FRMPD4: variants seen among roughly 807,000 people sequenced by gnomAD.
FRMPD4 encodes FERM and PDZ domain containing 4.
Under a neutral mutation model 94.1 loss-of-function variants are expected in FRMPD4, and 22 were observed. That is an observed-to-expected ratio of 0.23 (90% CI 0.17 to 0.33). FRMPD4 has a LOEUF of 0.33. FRMPD4 is among the 10% of genes least tolerant of loss of function. FRMPD4 has a pLI of 1.00. For missense variants in FRMPD4, 1,111 were observed against 1,339.9 expected (o/e 0.83, Z 2.67); for synonymous variants, 631 against 548.6 (o/e 1.15, Z -2.10).
intron 2 of FRMPD4, among the ~76,000 whole-genome samples, chrX:12,586,101 A>T (rs1453926935): frequency 8.8e-6 from 1 of 113,008 alleles, no homozygotes; most frequent in Non-Finnish European, 1.9e-5. Context: ...ACTAAAGGCC[A>T]GATGCTAGTT....
chrX:11,849,852 C>G (rs1256152833), intron 1 of FRMPD4, among the ~76,000 whole-genome samples: 2 of 111,106 alleles, frequency 1.8e-5, no homozygotes, highest in Non-Finnish European at 1.9e-5. Context: ...AGAAAAACTT[C>G]ATGACTTTGG....
chrX:12,708,396 G>C (rs2041918623), intron 13 of FRMPD4, among the ~76,000 whole-genome samples: 1 of 107,066 alleles, frequency 9.3e-6, no homozygotes. Context: ...CTTGAACCCA[G>C]AGGTGGAGGT....
chrX:11,919,919 A>G (rs1407509598), intron 3 of FRMPD4, among the ~76,000 whole-genome samples: 2 of 112,602 alleles, frequency 1.8e-5, no homozygotes, highest in African/African-American at 6.5e-5. Context: ...TTACTGCAGG[A>G]TAACATGGCA....
At chrX:12,413,688 TG>T (rs201733034) in intron 1 of FRMPD4, among the ~76,000 whole-genome samples, 437 of 111,975 alleles carry the variant, frequency 3.9e-3, no homozygotes, top group Admixed American at 0.014. Flanking sequence ...TCAGGTCCAA[TG>T]TACAAAGAGA....
intron 3 of FRMPD4, among the ~76,000 whole-genome samples, chrX:12,079,255 T>C (rs1394454288): frequency 2.7e-5 from 3 of 110,794 alleles, no homozygotes; most frequent in Non-Finnish European, 1.9e-5. Flanking sequence ...TTTTATTTGA[T>C]TTGAAAAGTT....
intron 1 of FRMPD4, among the ~76,000 whole-genome samples, chrX:12,294,593 A>G (rs1426516075): frequency 1.8e-5 from 2 of 110,953 alleles, no homozygotes; most frequent in African/African-American, 6.6e-5. Flanking sequence ...TGATGTATGT[A>G]TGTCACAGAG....
chrX:12,191,537 A>G (rs2056492398), intron 1 of FRMPD4, among the ~76,000 whole-genome samples: 1 of 112,294 alleles, frequency 8.9e-6, no homozygotes, highest in African/African-American at 3.2e-5. Context: ...TGTTATATCC[A>G]GACAGTGGAA....
intron 1 of FRMPD4, among the ~76,000 whole-genome samples, chrX:12,470,433 C>T (rs1462795442): frequency 8.9e-6 from 1 of 111,818 alleles, no homozygotes; most frequent in Non-Finnish European, 1.9e-5. Flanking sequence ...CTGTATCACC[C>T]GCCTTCACTG....
intron 1 of FRMPD4, among the ~76,000 whole-genome samples, chrX:12,408,931 C>T (rs768914223): frequency 6.3e-5 from 7 of 110,910 alleles, no homozygotes; most frequent in African/African-American, 2.3e-4. Flanking sequence ...AATATCCCCC[C>T]CTTGGCTAGT....
intron 3 of FRMPD4, among the ~76,000 whole-genome samples, chrX:11,932,346 T>G (rs1485593201): frequency 8.9e-6 from 1 of 112,139 alleles, no homozygotes; most frequent in Non-Finnish European, 1.9e-5. Context: ...TCACACTGTT[T>G]CCTTTGCCTA....
intron 3 of FRMPD4, among the ~76,000 whole-genome samples, chrX:11,985,281 T>C (rs1297818676): frequency 1.8e-5 from 2 of 111,364 alleles, no homozygotes; most frequent in African/African-American, 6.5e-5. Flanking sequence ...TGGACAACAT[T>C]TCTAGATACA....
At chrX:12,569,571 A>C (rs774829840) in intron 2 of FRMPD4, among the ~76,000 whole-genome samples, 1 of 108,823 alleles carries the variant, frequency 9.2e-6, no homozygotes, top group Non-Finnish European at 1.9e-5. Flanking sequence ...TAGAAAAAAT[A>C]GTTTTAAAAA....
intron 1 of FRMPD4, among the ~76,000 whole-genome samples, chrX:12,147,762 G>A (rs4830458): frequency 0.46 from 51,392 of 110,677 alleles, 9,528 homozygotes; most frequent in East Asian, 0.83. Context: ...CAAGCAATCT[G>A]TCAGCACCAT....
intron 1 of FRMPD4, among the ~76,000 whole-genome samples, chrX:12,378,774 T>G (rs1487195625): frequency 8.9e-6 from 1 of 112,244 alleles, no homozygotes; most frequent in East Asian, 2.8e-4. Context: ...CAGAAGTTAC[T>G]TTTCCACATG....
chrX:12,718,041 A>G lies in FRMPD4; in HGVS notation c.3215A>G (p.Asp1072Gly), dbSNP rs1198390813. Residue 1072 changes from aspartate to glycine, a missense_variant, in exon 16 of 17, where the codon GAC becomes GGC. Asp to Gly is a moderately conservative substitution (Grantham distance 94, BLOSUM62 -1). Coordinates refer to ENST00000675598, the MANE Select transcript of FRMPD4 (RefSeq NM_001368397.1). The stretch of plus-strand genomic sequence containing the variant: ...AAATTTGGTACTGTGTCTTCACGAG[A>G]CAGTCAACACCTGAGCACTTTTAAT... ...SGKFGTVSSR[D>G]SQHLSTFNLE... 1 of 1,211,559 alleles carries G rather than the reference A, an allele frequency of 8.3e-7. No individual in the cohort carries two copies. The highest frequency in any genetic ancestry group is 1.8e-5 in the South Asian group (1 of 56,995).
At chrX:12,058,827 G>T (rs1005506698) in intron 3 of FRMPD4, among the ~76,000 whole-genome samples, 1 of 110,324 alleles carries the variant, frequency 9.1e-6, no homozygotes, top group African/African-American at 3.3e-5. Context: ...TCATAACTGG[G>T]GGACGGGTTG....
intron 3 of FRMPD4, among the ~76,000 whole-genome samples, chrX:12,105,613 TTGA>T (rs759943541): frequency 1.9e-4 from 21 of 112,719 alleles, no homozygotes; most frequent in African/African-American, 6.8e-4. Context: ...CAAATGCATG[TTGA>T]TGATGATAAC....
chrX:12,615,227 T>A (rs2059224875), intron 4 of FRMPD4, among the ~76,000 whole-genome samples: 2 of 112,148 alleles, frequency 1.8e-5, no homozygotes, highest in African/African-American at 6.5e-5. Flanking sequence ...ATACCTGAAT[T>A]CAGCACAAAG....
At chrX:12,497,458 CA>C (rs1008847038) in intron 1 of FRMPD4, among the ~76,000 whole-genome samples, 2 of 99,622 alleles carry the variant, frequency 2.0e-5, no homozygotes, top group Non-Finnish European at 4.1e-5. Flanking sequence ...TCTCTCACTG[CA>C]GGGAAGCAGC....
Sources: gnomAD v4.1 joint callset for allele counts (sites outside exome capture counted in the v4.1 genomes callset) on GRCh38, gnomAD v4.1.1 for gene constraint, MANE v1.5 for transcripts, NCBI Gene and HGNC (gene_info 2026-07-23, HGNC 2026-07-21) for gene names.